RAD51B: variants seen among roughly 807,000 people sequenced by gnomAD.
RAD51B encodes DNA repair protein RAD51 homolog 2.
Under a neutral mutation model 42.2 loss-of-function variants are expected in RAD51B, and 38 were observed. That is an observed-to-expected ratio of 0.90 (90% CI 0.70 to 1.18). The LOEUF is 1.18. Among genes scored for constraint, RAD51B ranks in the 50% most tolerant of loss-of-function variants. RAD51B has a pLI of 0.00. For synonymous variants in RAD51B, 154 were observed against 145.2 expected, an observed-to-expected ratio of 1.06 and a Z score of -0.43; for missense variants, 373 against 400.7, an observed-to-expected ratio of 0.93 and a Z score of 0.59.
At chr14:68,144,281 A>G (rs2140740957) in intron 7 of RAD51B, among the ~76,000 whole-genome samples, 1 of 152,300 alleles carries the variant, frequency 6.6e-6, no homozygotes, top group East Asian at 1.9e-4. Flanking sequence ...TTGTTTCCCC[A>G]CAGAGCTTGT....
chr14:67,870,371 A>G (rs2042483416), intron 5 of RAD51B, among the ~76,000 whole-genome samples: 1 of 150,916 alleles, frequency 6.6e-6, no homozygotes, highest in Non-Finnish European at 1.5e-5. Context: ...GGATCAATTC[A>G]ACAAGAAGAG....
chr14:67,985,608 C>T (rs184297711), intron 7 of RAD51B, among the ~76,000 whole-genome samples: 13 of 152,100 alleles, frequency 8.5e-5, no homozygotes, highest in South Asian at 2.1e-4. Context: ...ACACGGACAG[C>T]TTTGAAAAGT....
At chr14:68,547,555 T>C (rs867937043) in intron 10 of RAD51B, among the ~76,000 whole-genome samples, 2 of 152,294 alleles carry the variant, frequency 1.3e-5, no homozygotes, top group African/African-American at 4.8e-5. Flanking sequence ...TCACGGAATC[T>C]AAGGTGAACC....
chr14:68,245,016 A>T (rs865822596), intron 7 of RAD51B, among the ~76,000 whole-genome samples: 7 of 152,340 alleles, frequency 4.6e-5, no homozygotes, highest in African/African-American at 1.4e-4. Flanking sequence ...ATGCCGTAAC[A>T]CTAACTAGCT....
intron 8 of RAD51B, among the ~76,000 whole-genome samples, chr14:68,315,293 T>A (rs1419711959): frequency 6.6e-6 from 1 of 152,188 alleles, no homozygotes; most frequent in African/African-American, 2.4e-5. Flanking sequence ...AGAACTATAG[T>A]TTTCTTCCAC....
At chr14:68,599,176 A>C (rs1891121941), downstream of RAD51B, among the ~76,000 whole-genome samples, 1 of 152,202 alleles carries the variant, frequency 6.6e-6, no homozygotes, top group Non-Finnish European at 1.5e-5. Context: ...GGGGGCTGCC[A>C]GGAGTGGTGG....
chr14:68,653,768 C>T (rs2180611), intron 11 of RAD51B, among the ~76,000 whole-genome samples: 57,916 of 152,152 alleles, frequency 0.38, 11,848 homozygotes, highest in East Asian at 0.77. Flanking sequence ...GGCCCATGCA[C>T]AGAGGGCACT....
intron 11 of RAD51B, among the ~76,000 whole-genome samples, chr14:68,674,094 C>T (rs111206633): frequency 1.6e-4 from 24 of 152,168 alleles, no homozygotes; most frequent in South Asian, 1.0e-3. Flanking sequence ...CACAGGTATA[C>T]GCACACTTGC....
chr14:67,826,060 C>T (rs2040823317), intron 3 of RAD51B, among the ~76,000 whole-genome samples: 1 of 152,066 alleles, frequency 6.6e-6, no homozygotes, highest in African/African-American at 2.4e-5. Context: ...AGTTTATAAA[C>T]TCATGGGAGA....
chr14:67,849,533 T>G (rs1864082019), intron 4 of RAD51B, among the ~76,000 whole-genome samples: 1 of 152,240 alleles, frequency 6.6e-6, no homozygotes. Flanking sequence ...TCCTCCCACC[T>G]CAGCCTCCCA....
intron 10 of RAD51B, among the ~76,000 whole-genome samples, chr14:68,610,658 T>G (rs1242090172): frequency 6.6e-6 from 1 of 152,236 alleles, no homozygotes; most frequent in Non-Finnish European, 1.5e-5. Flanking sequence ...TTCTGGTCCC[T>G]CTTTTTGTTC....
chr14:67,891,982 A>G (rs2043233731), intron 7 of RAD51B, among the ~76,000 whole-genome samples: 1 of 152,196 alleles, frequency 6.6e-6, no homozygotes, highest in African/African-American at 2.4e-5. Context: ...CTTGATGTAG[A>G]CATAGATATG....
intron 1 of RAD51B, among the ~76,000 whole-genome samples, chr14:67,821,684 A>C (rs1464900987): frequency 1.3e-5 from 2 of 151,514 alleles, no homozygotes; most frequent in Non-Finnish European, 2.9e-5. Context: ...CTGGTCTCAA[A>C]CTCCTGGGCT....
intron 7 of RAD51B, among the ~76,000 whole-genome samples, chr14:68,220,735 G>A (rs942003262): frequency 1.3e-5 from 2 of 152,160 alleles, no homozygotes; most frequent in African/African-American, 2.4e-5. Context: ...AAAGCTCTTA[G>A]AACTGATAAA....
At chr14:67,972,642 G>C (rs1190000889) in intron 7 of RAD51B, among the ~76,000 whole-genome samples, 1 of 151,984 alleles carries the variant, frequency 6.6e-6, no homozygotes, top group Non-Finnish European at 1.5e-5. Flanking sequence ...TTTTTTGATT[G>C]GTTATCAAGT....
intron 11 of RAD51B, among the ~76,000 whole-genome samples, chr14:68,666,937 G>A (rs1224738991): frequency 6.6e-6 from 1 of 152,160 alleles, no homozygotes; most frequent in African/African-American, 2.4e-5. Context: ...GCCTCTTTCA[G>A]GGTTGGCCTT....
chr14:68,200,511 G>A (rs1027446519), intron 7 of RAD51B, among the ~76,000 whole-genome samples: 2 of 152,276 alleles, frequency 1.3e-5, no homozygotes, highest in Admixed American at 6.5e-5. Context: ...ATATAATTTT[G>A]CAAATGTGTT....
chr14:68,378,972 C>T (rs2083426188), intron 8 of RAD51B, among the ~76,000 whole-genome samples: 1 of 152,204 alleles, frequency 6.6e-6, no homozygotes, highest in Admixed American at 6.5e-5. Flanking sequence ...CTGATTCAGT[C>T]TACTTGTTCT....
intron 7 of RAD51B, among the ~76,000 whole-genome samples, chr14:68,133,783 A>AT (rs931530190): frequency 1.3e-5 from 2 of 151,900 alleles, no homozygotes; most frequent in Non-Finnish European, 2.9e-5. Flanking sequence ...AATCTGAATG[A>AT]TTTTTTTAAG....
Sources: allele counts gnomAD v4.1 joint callset (sites outside exome capture counted in the v4.1 genomes callset), GRCh38; gene constraint gnomAD v4.1.1; transcripts MANE v1.5; gene names NCBI Gene and HGNC (gene_info 2026-07-23, HGNC 2026-07-21).